The following ROBO2 variants were observed in gnomAD, a reference collection of about 807,000 sequenced individuals.
ROBO2 encodes roundabout guidance receptor 2.
A neutral mutation model predicts 160.8 loss-of-function variants in ROBO2; 53 were observed. The ratio of observed to expected loss-of-function variants is 0.33; its 90% confidence interval spans 0.26 to 0.41. The LOEUF (loss-of-function observed/expected upper bound fraction) is 0.41, where lower values mean the gene tolerates loss of function less well. ROBO2 is among the 10% of genes least tolerant of loss of function. ROBO2 has a pLI of 1.00. For missense variants in ROBO2, 1,577 were observed against 1,722.4 expected (o/e 0.92, Z 1.49); for synonymous variants, 664 against 611.7 (o/e 1.09, Z -1.26).
intron 2 of ROBO2, among the ~76,000 whole-genome samples, chr3:76,796,501 AAAGAAGGAAAGAAG>A (rs1479353482): frequency 9.8e-5 from 12 of 122,904 alleles, no homozygotes; most frequent in African/African-American, 4.7e-4. Context: ...GGAAGGAAGG[AAAGAAGGAAAGAAG>A]GAAGGAAGGA....
chr3:76,223,320 G>T (rs775633595), intron 2 of ROBO2, among the ~76,000 whole-genome samples: 3 of 151,682 alleles, frequency 2.0e-5, no homozygotes, highest in Non-Finnish European at 4.4e-5. Flanking sequence ...GTTTCCTGGG[G>T]CAATGCGGGG....
chr3:76,524,826 T>TAAAAAAA lies in ROBO2; in HGVS notation c.110-573154_110-573148dup, dbSNP rs58091252. ...TAAAAACCTATGACCCTCTTATTCC[T>TAAAAAAA]AAAAAAAAAAAAAAAAAAAAAAAAA... is the stretch of plus-strand genomic sequence containing the variant. On this transcript the variant is annotated intron_variant, in intron 2 of 26. Transcript: ENST00000487694. Among the ~76,000 whole-genome samples, 42 of 21,718 alleles carry TAAAAAAA rather than the reference T, an allele frequency of 1.9e-3. 1 individual carries two copies. The highest frequency in any genetic ancestry group is 4.1e-3 in the Admixed American group (5 of 1,230). The allele number at this position is 21,718 out of a possible 152,430, so 14.2% of individuals were successfully genotyped here. A position where few individuals can be genotyped will look rare whatever the true frequency, so the allele number is the denominator to read the frequency against.
chr3:76,460,576 C>A (rs1012395316), intron 2 of ROBO2, among the ~76,000 whole-genome samples: 1 of 152,130 alleles, frequency 6.6e-6, no homozygotes, highest in African/African-American at 2.4e-5. Context: ...AGAAAATTAC[C>A]TTTGTGGATA....
intron 2 of ROBO2, among the ~76,000 whole-genome samples, chr3:76,157,103 C>T (rs965416039): frequency 2.6e-5 from 4 of 152,154 alleles, no homozygotes; most frequent in African/African-American, 4.8e-5. Flanking sequence ...AAGGAATGGT[C>T]ATTTTTCCTG....
At chr3:77,453,487 A>G (rs2081316901) in intron 2 of ROBO2, among the ~76,000 whole-genome samples, 1 of 151,818 alleles carries the variant, frequency 6.6e-6, no homozygotes, top group Admixed American at 6.6e-5. Flanking sequence ...TTTATGTTAT[A>G]GGATATAAGG....
intron 2 of ROBO2, among the ~76,000 whole-genome samples, chr3:76,598,411 T>C (rs750732743): frequency 1.3e-5 from 2 of 152,068 alleles, no homozygotes; most frequent in Admixed American, 6.6e-5. Context: ...TGTGATAAAA[T>C]TGTGTAGAAC....
intron 2 of ROBO2, among the ~76,000 whole-genome samples, chr3:76,488,934 T>C (rs779322420): frequency 3.9e-5 from 6 of 151,978 alleles, no homozygotes; most frequent in Non-Finnish European, 7.4e-5. Flanking sequence ...TTCTTACTTT[T>C]CTTCTTCCTC....
At chr3:76,824,288 G>A (rs1470304096) in intron 2 of ROBO2, among the ~76,000 whole-genome samples, 6 of 152,144 alleles carry the variant, frequency 3.9e-5, no homozygotes, top group South Asian at 2.1e-4. Context: ...AGCCAGGCAC[G>A]GGCCTGGCTA....
intron 2 of ROBO2, among the ~76,000 whole-genome samples, chr3:77,288,725 A>G (rs937354858): frequency 1.3e-5 from 2 of 152,118 alleles, no homozygotes; most frequent in Non-Finnish European, 1.5e-5. Flanking sequence ...CGGATCTACA[A>G]TTAGAGGATT....
rs540530340 is a variant in ROBO2 at position 76,835,093 on chromosome 3, A to C, written c.110-262921A>C. Among the ~76,000 whole-genome samples the C allele has an allele frequency of 2.3e-3, 343 of 152,150 alleles. 2 individuals are homozygous for C. The highest frequency in any genetic ancestry group is 3.6e-3 in the Non-Finnish European group (244 of 67,970). On this transcript the variant is annotated intron_variant, in intron 2 of 26. Coordinates refer to the ROBO2 transcript ENST00000487694. ...TTTTTAGGATAAATGAATACTCAAC[A>C]AGCATATTACTAAGTTGATTACCAA...
At chr3:76,909,390 A>C (rs2075825733) in intron 2 of ROBO2, among the ~76,000 whole-genome samples, 1 of 152,096 alleles carries the variant, frequency 6.6e-6, no homozygotes, top group Non-Finnish European at 1.5e-5. Flanking sequence ...AGATCAATAG[A>C]ATTTAACTTC....
chr3:77,503,364 A>T (rs933759366), intron 5 of ROBO2, among the ~76,000 whole-genome samples: 17 of 151,450 alleles, frequency 1.1e-4, no homozygotes, highest in African/African-American at 3.9e-4. Flanking sequence ...TCTCTACTAA[A>T]AATACAAAAA....
At chr3:76,642,341 C>CTTTTTTTTTTTTT (rs71104611) in intron 2 of ROBO2, among the ~76,000 whole-genome samples, 2 of 62,230 alleles carry the variant, frequency 3.2e-5, no homozygotes, top group African/African-American at 1.4e-4. Context: ...TTTACACTTG[C>CTTTTTTTTTTTTT]TTTTTTTTTT....
chr3:76,732,117 G>A (rs2093646550), intron 2 of ROBO2, among the ~76,000 whole-genome samples: 1 of 152,130 alleles, frequency 6.6e-6, no homozygotes, highest in Non-Finnish European at 1.5e-5. Flanking sequence ...ATGGCTTACT[G>A]TGACTTTGAA....
At chr3:77,227,439 T>C (rs1216055989) in intron 2 of ROBO2, among the ~76,000 whole-genome samples, 1 of 152,210 alleles carries the variant, frequency 6.6e-6, no homozygotes, top group Non-Finnish European at 1.5e-5. Context: ...AAGGTAAATA[T>C]TGAAAAAACT....
At chr3:76,991,128 G>A (rs1578098612) in intron 2 of ROBO2, among the ~76,000 whole-genome samples, 1 of 152,056 alleles carries the variant, frequency 6.6e-6, no homozygotes, top group Admixed American at 6.6e-5. Context: ...TTTCACGACG[G>A]CTCTAAAACT....
chr3:76,116,244 A>G (rs79359122), intron 2 of ROBO2, among the ~76,000 whole-genome samples: 2,748 of 152,218 alleles, frequency 0.018, 97 homozygotes, highest in African/African-American at 0.064. Context: ...TATTACATGT[A>G]TACCACAAAA....
intron 2 of ROBO2, among the ~76,000 whole-genome samples, chr3:76,235,085 A>C (rs557292286): frequency 6.6e-6 from 1 of 152,260 alleles, no homozygotes; most frequent in East Asian, 1.9e-4. Context: ...GGTAAGTTGT[A>C]GTGAGTGGAC....
chr3:77,588,671 T>A, intron 16 of ROBO2, 80 bp from the exon 18 acceptor site: 1 of 1,354,966 alleles, frequency 7.4e-7, no homozygotes, highest in Non-Finnish European at 1.0e-6. Flanking sequence ...ATAATTTTTC[T>A]TCATTTTTGA....
Sources: allele counts gnomAD v4.1 joint callset (sites outside exome capture counted in the v4.1 genomes callset), GRCh38; gene constraint gnomAD v4.1.1; transcripts MANE v1.5; gene names NCBI Gene and HGNC (gene_info 2026-07-23, HGNC 2026-07-21).